Variants in ANKRD30A observed in about 807,000 individuals in gnomAD.
ANKRD30A encodes ankyrin repeat domain-containing protein 30A.
In ANKRD30A, 170 loss-of-function variants were observed where a neutral mutation model predicts 166.3. The ratio of observed to expected loss-of-function variants is 1.02; its 90% CI spans 0.90 to 1.16. ANKRD30A has a LOEUF of 1.16. ANKRD30A is among the 50% of genes most tolerant of loss of function. The pLI is 0.00. For missense variants in ANKRD30A, 1,630 were observed against 1,518.0 expected (o/e 1.07, Z -1.23); for synonymous variants, 564 against 508.9 (o/e 1.11, Z -1.46).
intron 31 of ANKRD30A, among the ~76,000 whole-genome samples, chr10:37,208,907 C>G (rs999952603): frequency 6.6e-6 from 1 of 152,168 alleles, no homozygotes; most frequent in African/African-American, 2.4e-5. Context: ...AACCCTTTGG[C>G]AACCACTGAT....
the ANKRD30A span, among the ~76,000 whole-genome samples, chr10:37,247,164 T>G: frequency 6.6e-6 from 1 of 152,178 alleles, no homozygotes. Flanking sequence ...GGGTTAGCTT[T>G]ATTGGCAGAA....
chr10:37,146,377 C>T (rs557989322), intron 8 of ANKRD30A, among the ~76,000 whole-genome samples: 2 of 152,324 alleles, frequency 1.3e-5, no homozygotes, highest in South Asian at 2.1e-4. Context: ...TCTTTTCATG[C>T]CATGCATCAT....
intron 9 of ANKRD30A, among the ~76,000 whole-genome samples, chr10:37,148,535 T>C (rs909601074): frequency 1.1e-4 from 17 of 151,768 alleles, no homozygotes; most frequent in African/African-American, 4.1e-4. Flanking sequence ...AGAGAGAAGG[T>C]AGGTAGGTAA....
intron 13 of ANKRD30A, among the ~76,000 whole-genome samples, chr10:37,157,951 A>G (rs1407643837): frequency 6.6e-6 from 1 of 151,972 alleles, no homozygotes; most frequent in African/African-American, 2.4e-5. Context: ...AGCTACATGT[A>G]TATATTGACA....
chr10:37,150,988 G>A (rs1489196046), intron 11 of ANKRD30A, among the ~76,000 whole-genome samples: 1 of 145,604 alleles, frequency 6.9e-6, no homozygotes, highest in Non-Finnish European at 1.5e-5. Flanking sequence ...CTAAAAATGA[G>A]TGAACATGGT....
rs200260827 is a variant in ANKRD30A at position 37,149,797 on chromosome 10, C to T, written c.1593C>T (p.Asn531=). 1.9e-6 allele frequency: 3 copies of T among 1,612,726 alleles called. No homozygotes were observed. In the African/African-American group the frequency reaches 4.0e-5, roughly 22 times the overall value. ...TTTAGCCTGCCATTGAAATGCAAAACTCTGTTCCAAATAAAGCCTTTGAAT... is the reference window on the plus strand; with the variant it reads ...TTTAGCCTGCCATTGAAATGCAAAATTCTGTTCCAAATAAAGCCTTTGAAT... ...SAFKPAIEMQ[N]SVPNKAFELK... Residue 531 remains asparagine (N), a synonymous_variant, in exon 11 of 36, where the codon AAC becomes AAT. Coordinates refer to ENST00000361713, the MANE Select transcript of ANKRD30A (RefSeq NM_052997.3).
At chr10:37,151,844 T>G (rs2132558906) in intron 11 of ANKRD30A, among the ~76,000 whole-genome samples, 1 of 152,246 alleles carries the variant, frequency 6.6e-6, no homozygotes, top group East Asian at 1.9e-4. Context: ...ATTTCTATTT[T>G]TCTGCATTGT....
At chr10:37,157,070 G>A (rs1322662191) in intron 13 of ANKRD30A, among the ~76,000 whole-genome samples, 2 of 152,138 alleles carry the variant, frequency 1.3e-5, no homozygotes, top group Admixed American at 6.6e-5. Context: ...TATTTGAGGA[G>A]TAGAGAAAAA....
At chr10:37,172,337 A>G (rs1167277458) in intron 21 of ANKRD30A, among the ~76,000 whole-genome samples, 14 of 123,544 alleles carry the variant, frequency 1.1e-4, no homozygotes, top group Admixed American at 3.2e-4. Flanking sequence ...ATAGAAGGTC[A>G]AGACATAACA....
intron 9 of ANKRD30A, among the ~76,000 whole-genome samples, chr10:37,148,153 T>C (rs531376374): frequency 6.6e-6 from 1 of 152,280 alleles, no homozygotes; most frequent in East Asian, 1.9e-4. Context: ...TAAATTTTAA[T>C]AAGTTCTCAG....
At chr10:37,142,558 C>G (rs1448471893) in intron 7 of ANKRD30A, among the ~76,000 whole-genome samples, 1 of 133,916 alleles carries the variant, frequency 7.5e-6, no homozygotes, top group Non-Finnish European at 1.6e-5. Flanking sequence ...ACAGGGATAT[C>G]ATAGGATCAC....
chr10:37,144,774 A>C (rs1437046919), intron 7 of ANKRD30A, among the ~76,000 whole-genome samples: 3 of 152,136 alleles, frequency 2.0e-5, no homozygotes, highest in Non-Finnish European at 4.4e-5. Context: ...TCAAATTTTT[A>C]ATTTTTTTGC....
At chr10:37,219,926 C>G (rs1398025247) in intron 34 of ANKRD30A, 29 bp downstream of exon 34, 6 of 1,404,848 alleles carry the variant, frequency 4.3e-6, no homozygotes, top group Middle Eastern at 1.9e-4. Flanking sequence ...AAATACTTGT[C>G]AAACTTCCTG....
In ANKRD30A at chr10:37,154,021, G is replaced by T. The variant is rs556855306; in HGVS notation, c.1798+359G>T. ...TTTATATAGTGGAGGATGATAAAAT[G>T]AAATGATTCTTTAGGAAAAGATTGG... is the stretch of plus-strand genomic sequence containing the variant. On this transcript the variant is annotated intron_variant, in intron 13 of 35. Transcript: ENST00000361713. 3.9e-4 allele frequency among the ~76,000 whole-genome samples: 59 copies of T among 152,286 alleles called. No homozygotes were observed. The South Asian group carries it at 0.012, about 30-fold the overall frequency.
intron 11 of ANKRD30A, among the ~76,000 whole-genome samples, 156 bp from the exon 12 acceptor site, chr10:37,151,904 A>G (rs765748982): frequency 6.6e-6 from 1 of 152,120 alleles, no homozygotes; most frequent in Non-Finnish European, 1.5e-5. Flanking sequence ...TTCTAATGGA[A>G]TGACTATAGA....
chr10:37,159,885 A>G lies in ANKRD30A; in HGVS notation c.1900+1299A>G, dbSNP rs532790807. Among the ~76,000 whole-genome samples the G allele has an allele frequency of 1.1e-4, 17 of 152,132 alleles. No homozygotes were observed. The South Asian group carries it at 3.5e-3, about 32-fold the overall frequency. ...AATGTTTTGTGTTTTTAGTAGAGACAGGGTTTCAGTGTGTTAGCCAGGATG... is the reference window on the plus strand; with the variant it reads ...AATGTTTTGTGTTTTTAGTAGAGACGGGGTTTCAGTGTGTTAGCCAGGATG... On this transcript the variant is annotated intron_variant, in intron 15 of 35. Transcript: ENST00000361713.
chr10:37,197,483 A>G lies in ANKRD30A; in HGVS notation c.2716+3A>G, dbSNP rs942592820. Reference sequence around the variant, plus strand: ...GAATGAACAAACATTGAGAGCAGGTACATTTTTCAATGTAACTATGCGAAG... The same window carrying G: ...GAATGAACAAACATTGAGAGCAGGTGCATTTTTCAATGTAACTATGCGAAG... On this transcript the variant is annotated splice_donor_region_variant and intron_variant, in intron 29 of 35. Transcript: ENST00000361713. 2 of 1,612,110 alleles carry G rather than the reference A, an allele frequency of 1.2e-6. No individual in the cohort carries two copies. Among genetic ancestry groups the G allele is most frequent in the African/African-American group, 1.3e-5 (1 of 74,846 alleles).
chr10:37,126,537 G>C (rs192121252), intron 1 of ANKRD30A, among the ~76,000 whole-genome samples: 45 of 152,254 alleles, frequency 3.0e-4, no homozygotes, highest in African/African-American at 1.1e-3. Flanking sequence ...AGGAAACTTC[G>C]AGGTGGGAAG....
downstream of ANKRD30A, among the ~76,000 whole-genome samples, chr10:37,234,945 G>T (rs372290797): frequency 6.6e-6 from 1 of 152,052 alleles, no homozygotes; most frequent in Non-Finnish European, 1.5e-5. Flanking sequence ...GTTGAACTGC[G>T]CTTTTTCCAC....
Sources: allele counts gnomAD v4.1 joint callset (sites outside exome capture counted in the v4.1 genomes callset), GRCh38; gene constraint gnomAD v4.1.1; transcripts MANE v1.5; gene names NCBI Gene and HGNC (gene_info 2026-07-23, HGNC 2026-07-21).